Variants in LINGO2 observed in about 807,000 individuals in gnomAD.
LINGO2 encodes leucine-rich repeat and immunoglobulin-like domain-containing nogo receptor-interacting protein 2.
A neutral mutation model predicts 30.6 loss-of-function variants in LINGO2; 14 were observed. That is an observed-to-expected ratio of 0.46 (90% CI 0.30 to 0.72). The LOEUF (loss-of-function observed/expected upper bound fraction) is 0.72, where lower values mean the gene tolerates loss of function less well. Ranked by LOEUF, LINGO2 falls within the 30% of genes least tolerant of loss-of-function variation. The pLI is 0.07. For synonymous variants in LINGO2, 317 were observed against 288.5 expected, an observed-to-expected ratio of 1.10 and a Z score of -1.00; for missense variants, 729 against 751.7, an observed-to-expected ratio of 0.97 and a Z score of 0.35.
At chr9:28,918,316 CAA>C in the LINGO2 span, among the ~76,000 whole-genome samples, 47 of 152,282 alleles carry the variant, frequency 3.1e-4, no homozygotes, top group African/African-American at 1.1e-3. Flanking sequence ...CCCCAGGGTT[CAA>C]ATTATCTCCC....
chr9:28,067,519 G>T (rs1224115621), intron 4 of LINGO2, among the ~76,000 whole-genome samples: 2 of 152,162 alleles, frequency 1.3e-5, no homozygotes, highest in African/African-American at 2.4e-5. Flanking sequence ...GAACCTAGTT[G>T]TGCCTTTGGC....
At chr9:28,975,362 A>ATG in the LINGO2 span, among the ~76,000 whole-genome samples, 1 of 152,208 alleles carries the variant, frequency 6.6e-6, no homozygotes, top group African/African-American at 2.4e-5. Context: ...AGTGACTCAG[A>ATG]TGGTTAATGT....
intron 4 of LINGO2, among the ~76,000 whole-genome samples, chr9:28,037,312 C>T (rs1163627563): frequency 6.6e-6 from 1 of 152,202 alleles, no homozygotes; most frequent in Non-Finnish European, 1.5e-5. Flanking sequence ...AGCACCATCT[C>T]TTGCCATTTC....
the LINGO2 span, among the ~76,000 whole-genome samples, chr9:28,747,578 C>T: frequency 2.0e-5 from 3 of 152,008 alleles, no homozygotes; most frequent in Admixed American, 6.6e-5. Flanking sequence ...ACTGTGGAGC[C>T]GGAGCTCAAA....
chr9:27,947,016 G>A (rs1229354867), downstream of LINGO2, among the ~76,000 whole-genome samples: 5 of 151,918 alleles, frequency 3.3e-5, no homozygotes, highest in South Asian at 2.1e-4. Context: ...ATGTCAACCC[G>A]CCAATCCAAT....
At position 27,950,709 on chromosome 9, in the gene LINGO2, G is replaced by A. The variant is rs368775188; in HGVS notation, c.-35-3C>T. 3 of 1,459,432 alleles carry A rather than the reference G, an allele frequency of 2.1e-6. No homozygotes were observed. The African/African-American group carries it at 4.2e-5, about 21-fold the overall frequency. The allele number at this position is 1,459,432 out of a possible 1,614,324, so 90.4% of individuals were successfully genotyped here. ...TAGTCTACACCTTGGTCACGGGTCT[G>A]CATGGAAGGGACACAAGAAGGGAGG... is the stretch of plus-strand genomic sequence containing the variant. On this transcript the variant is annotated splice_polypyrimidine_tract_variant and splice_region_variant and intron_variant, in intron 5 of 5. Transcript: ENST00000379992.
At chr9:28,874,166 T>C in the LINGO2 span, among the ~76,000 whole-genome samples, 78 of 152,182 alleles carry the variant, frequency 5.1e-4, no homozygotes, top group African/African-American at 1.7e-3. Flanking sequence ...ATTAGCTTTT[T>C]ATTTCTTTCT....
At chr9:28,906,443 T>A in the LINGO2 span, among the ~76,000 whole-genome samples, 2 of 151,688 alleles carry the variant, frequency 1.3e-5, no homozygotes, top group African/African-American at 4.8e-5. Flanking sequence ...AAATAATTAA[T>A]TTTAAAAGGA....
the LINGO2 span, among the ~76,000 whole-genome samples, chr9:28,996,860 CA>C: frequency 1.3e-5 from 2 of 152,010 alleles, no homozygotes; most frequent in African/African-American, 4.8e-5. Flanking sequence ...TGGTCAAAAT[CA>C]AATATTTTAT....
the LINGO2 span, among the ~76,000 whole-genome samples, chr9:29,195,233 C>A: frequency 6.6e-6 from 1 of 152,112 alleles, no homozygotes; most frequent in Non-Finnish European, 1.5e-5. Context: ...GTATTCTACG[C>A]AGTGGATACC....
the LINGO2 span, among the ~76,000 whole-genome samples, chr9:28,788,204 G>GA: frequency 1.3e-5 from 2 of 151,930 alleles, no homozygotes; most frequent in South Asian, 2.1e-4. Context: ...TAATTTTATA[G>GA]AAAAAAATTC....
the LINGO2 span, among the ~76,000 whole-genome samples, chr9:28,927,578 T>C: frequency 6.6e-6 from 1 of 152,194 alleles, no homozygotes; most frequent in Non-Finnish European, 1.5e-5. Flanking sequence ...AAATAAATTC[T>C]TACCCCTCAG....
At chr9:28,253,216 G>T (rs1226090316) in intron 4 of LINGO2, among the ~76,000 whole-genome samples, 1 of 152,090 alleles carries the variant, frequency 6.6e-6, no homozygotes, top group Admixed American at 6.6e-5. Context: ...TCTTTTATTA[G>T]AGTACAGTTT....
At chr9:27,950,460 C>G in exon 6 of LINGO2, 1 of 1,608,236 alleles carries the variant, frequency 6.2e-7, no homozygotes, top group Non-Finnish European at 8.5e-7. Context: ...AGGGTTGACG[C>G]TTTTTAGCCT....
chr9:28,864,929 A>T, the LINGO2 span, among the ~76,000 whole-genome samples: 1 of 152,168 alleles, frequency 6.6e-6, no homozygotes, highest in African/African-American at 2.4e-5. Context: ...AAGAATTTGA[A>T]AAAAGCAGTA....
chr9:28,381,880 T>C (rs1056340078), intron 2 of LINGO2, among the ~76,000 whole-genome samples: 7 of 152,158 alleles, frequency 4.6e-5, no homozygotes, highest in Admixed American at 4.6e-4. Flanking sequence ...TAGGCCACCA[T>C]TTACATTTTG....
At chr9:28,395,665 A>G (rs1416970394) in intron 2 of LINGO2, among the ~76,000 whole-genome samples, 4 of 152,224 alleles carry the variant, frequency 2.6e-5, no homozygotes, top group African/African-American at 7.2e-5. Flanking sequence ...TAAATAATTT[A>G]AAATACCATT....
intron 4 of LINGO2, among the ~76,000 whole-genome samples, chr9:28,047,410 G>GC (rs1163876853): frequency 6.6e-6 from 1 of 151,382 alleles, no homozygotes; most frequent in Non-Finnish European, 1.5e-5. Context: ...ACAGATAGTG[G>GC]CCTTCCACTT....
At chr9:28,489,639 C>T (rs2135260501) in intron 1 of LINGO2, among the ~76,000 whole-genome samples, 1 of 152,050 alleles carries the variant, frequency 6.6e-6, no homozygotes, top group East Asian at 1.9e-4. Context: ...GTGGCTCACA[C>T]CTTAATCCCA....
Sources: gnomAD v4.1 joint callset for allele counts (sites outside exome capture counted in the v4.1 genomes callset) on GRCh38, gnomAD v4.1.1 for gene constraint, MANE v1.5 for transcripts, NCBI Gene and HGNC (gene_info 2026-07-23, HGNC 2026-07-21) for gene names.